The following VWA5A variants were observed in gnomAD, a reference collection of about 807,000 sequenced individuals.
The protein encoded by VWA5A is von Willebrand factor A domain containing 5A.
A neutral mutation model predicts 84.6 loss-of-function variants in VWA5A; 77 were observed. The ratio of observed to expected loss-of-function variants is 0.91; its 90% CI spans 0.76 to 1.10. The LOEUF is 1.10. Ranked by LOEUF, VWA5A falls within the 50% of genes least tolerant of loss-of-function variation. The pLI, the probability that VWA5A is intolerant of heterozygous loss-of-function variation, is 0.00. For missense variants in VWA5A, 973 were observed against 963.0 expected (o/e 1.01, Z -0.14); for synonymous variants, 334 against 350.1 (o/e 0.95, Z 0.51).
At chr11:124,123,284 C>T (rs917649341) in intron 8 of VWA5A, 82 bp from the exon 9 acceptor site, 2 of 1,523,958 alleles carry the variant, frequency 1.3e-6, no homozygotes, top group East Asian at 4.5e-5. Context: ...GGATGGCCCA[C>T]ATCCTCAAGA....
intron 11 of VWA5A, among the ~76,000 whole-genome samples, chr11:124,125,562 C>T (rs1374543019): frequency 4.6e-5 from 7 of 152,130 alleles, no homozygotes; most frequent in African/African-American, 7.2e-5. Flanking sequence ...GGATTACAGG[C>T]GTGAGCCACC....
chr11:124,137,130 G>C lies in VWA5A; in HGVS notation c.1741G>C (p.Val581Leu). The change falls in exon 15 of 19, where the codon GTC becomes CTC. Residue 581 changes from valine to leucine, a missense_variant. Physicochemically the swap from Val to Leu is conservative, Grantham distance 32 (BLOSUM62 1). Transcript: ENST00000456829. ...DALNLSLESG[V>L]ISSFTAFIAI... Reference sequence around the variant, plus strand: ...ATTGAACCTTAGCCTTGAGTCTGGTGTCATAAGCTCCTTCACAGCTTTCAT... The same window carrying C: ...ATTGAACCTTAGCCTTGAGTCTGGTCTCATAAGCTCCTTCACAGCTTTCAT... 1 of 1,613,930 alleles carries C rather than the reference G, an allele frequency of 6.2e-7. No homozygotes were observed. Among genetic ancestry groups the C allele is most frequent in the Non-Finnish European group, 8.5e-7 (1 of 1,180,018 alleles).
chr11:124,135,826 G>T (rs560452231), intron 12 of VWA5A, among the ~76,000 whole-genome samples: 1 of 151,806 alleles, frequency 6.6e-6, no homozygotes, highest in Non-Finnish European at 1.5e-5. Context: ...CACCGCGCCC[G>T]GCCTCTGGTG....
rs746630417 is a variant in VWA5A at position 124,118,601 on chromosome 11, C to G, written c.538C>G (p.Leu180Val). The change falls in exon 6 of 19, where the codon CTC becomes GTC. Residue 180 changes from leucine (L) to valine (V), a missense_variant. Leu to Val is a conservative substitution (Grantham distance 32, BLOSUM62 1). Transcript: ENST00000456829. ...CCCTGTGGAGGACCTGCCCTACACACTCAGCATGGTCGCCACCATAGATTC... is the reference window on the plus strand; with the variant it reads ...CCCTGTGGAGGACCTGCCCTACACAGTCAGCATGGTCGCCACCATAGATTC... ...IVPVEDLPYT[L>V]SMVATIDSQH... 1.2e-6 allele frequency: 2 copies of G among 1,614,060 alleles called. No homozygotes were observed. Among genetic ancestry groups the G allele is most frequent in the Non-Finnish European group, 1.7e-6 (2 of 1,180,034 alleles).
Position 124,118,613 on chromosome 11 carries a change from G to A in VWA5A, c.550G>A (p.Ala184Thr), listed in dbSNP as rs148882605. The part of the protein sequence containing the change: ...EDLPYTLSMV[A>T]TIDSQHGIEK... ...CCTGCCCTACACACTCAGCATGGTC[G>A]CCACCATAGATTCCCAGCATGGCAT... The change falls in exon 6 of 19, where the codon GCC becomes ACC. Residue 184 changes from alanine to threonine, a missense_variant. By Grantham distance (58) the Ala-to-Thr change is moderately conservative. Coordinates refer to ENST00000456829, the MANE Select transcript of VWA5A (RefSeq NM_001130142.2). 693 of 1,614,130 alleles carry A rather than the reference G, an allele frequency of 4.3e-4. No homozygotes were observed. The highest frequency in any genetic ancestry group is 8.5e-4 in the Admixed American group (51 of 60,014).
Position 124,136,605 on chromosome 11 carries a change from A to G in VWA5A, c.1556A>G (p.Lys519Arg), listed in dbSNP as rs775484694. ...GAGACAACAGGAGAAGTATGCCTCA[A>G]ATATACACTCCAGGGCAAGACTTTT... ...AAETTGEVCLKYTLQGKTFED... is the reference protein window; with the variant it reads ...AAETTGEVCLRYTLQGKTFED... The change falls in exon 14 of 19, where the codon AAA becomes AGA. Residue 519 changes from lysine to arginine, a missense_variant. Physicochemically the swap from Lys to Arg is conservative, Grantham distance 26 (BLOSUM62 2). Coordinates refer to ENST00000456829, the MANE Select transcript of VWA5A (RefSeq NM_001130142.2). 7 of 1,614,012 alleles carry G rather than the reference A, an allele frequency of 4.3e-6. No individual in the cohort carries two copies. Among genetic ancestry groups the G allele is most frequent in the South Asian group, 3.3e-5 (3 of 91,082 alleles).
At chr11:124,125,786 T>C (rs1044513009) in intron 11 of VWA5A, among the ~76,000 whole-genome samples, 3 of 152,246 alleles carry the variant, frequency 2.0e-5, no homozygotes, top group Non-Finnish European at 4.4e-5. Context: ...GTTGACTGTA[T>C]GTTCTAGAAA....
chr11:124,131,267 T>A (rs986762451), intron 11 of VWA5A, among the ~76,000 whole-genome samples: 1 of 152,118 alleles, frequency 6.6e-6, no homozygotes, highest in East Asian at 1.9e-4. Context: ...ACAGATAGCA[T>A]GGAGATGCTG....
At position 124,145,860 on chromosome 11, in the gene VWA5A, C is replaced by A. The variant is rs755684523; in HGVS notation, c.2282-6C>A. Reference sequence around the variant, plus strand: ...CATCCCTGCTTCTTGTTTTTCCTCACCACAGGCTCCACCATGCCTTCGGTT... The same window carrying A: ...CATCCCTGCTTCTTGTTTTTCCTCAACACAGGCTCCACCATGCCTTCGGTT... On this transcript the variant is annotated splice_polypyrimidine_tract_variant and splice_region_variant and intron_variant, in intron 18 of 18. Coordinates refer to ENST00000456829, the MANE Select transcript of VWA5A (RefSeq NM_001130142.2). 6.4e-7 allele frequency: 1 copy of A among 1,573,326 alleles called. No individual in the cohort carries two copies. The highest frequency in any genetic ancestry group is 8.7e-7 in the Non-Finnish European group (1 of 1,155,792).
chr11:124,129,948 T>C (rs1000667591), intron 11 of VWA5A, among the ~76,000 whole-genome samples: 1 of 152,212 alleles, frequency 6.6e-6, no homozygotes, highest in African/African-American at 2.4e-5. Context: ...TTCATTGATT[T>C]TTTGAAGGGT....
At chr11:124,144,474 C>T (rs1008241259) in intron 17 of VWA5A, among the ~76,000 whole-genome samples, 1 of 152,082 alleles carries the variant, frequency 6.6e-6, no homozygotes, top group African/African-American at 2.4e-5. Context: ...GGAGAACAAG[C>T]GTGGGGATGC....
intron 11 of VWA5A, among the ~76,000 whole-genome samples, chr11:124,129,420 G>A (rs1386590522): frequency 2.0e-5 from 3 of 152,146 alleles, no homozygotes; most frequent in African/African-American, 7.2e-5. Flanking sequence ...TGTTCATCAC[G>A]GATATTGGCC....
In VWA5A at chr11:124,124,345, T is replaced by C. The variant is rs371003742; in HGVS notation, c.1244+29T>C. 39 of 1,611,166 alleles carry C rather than the reference T, an allele frequency of 2.4e-5. No individual in the cohort carries two copies. The African/African-American group carries it at 3.3e-4, about 14-fold the overall frequency. Reference sequence around the variant, plus strand: ...GGAAGAAAATGTGATTTCCGGGTGATTGGTGCTGAGTAGTGACACACAGAC... The same window carrying C: ...GGAAGAAAATGTGATTTCCGGGTGACTGGTGCTGAGTAGTGACACACAGAC... On this transcript the variant is annotated intron_variant, in intron 11 of 18. Coordinates refer to ENST00000456829, the MANE Select transcript of VWA5A (RefSeq NM_001130142.2).
At chr11:124,123,919 A>G in intron 10 of VWA5A, 115 bp downstream of exon 10, 2 of 1,365,270 alleles carry the variant, frequency 1.5e-6, no homozygotes, top group South Asian at 1.6e-5. Flanking sequence ...ACAGTCTTCT[A>G]TCATATAGTA....
chr11:124,136,795 T>C (rs2137657801), intron 14 of VWA5A, 121 bp downstream of exon 14: 1 of 804,818 alleles, frequency 1.2e-6, no homozygotes, highest in Admixed American at 2.5e-5. Context: ...CTTCCTTCTT[T>C]CCTCTGCCAT....
chr11:124,141,869 C>A, intron 16 of VWA5A, 128 bp downstream of exon 16: 2 of 1,310,772 alleles, frequency 1.5e-6, no homozygotes, highest in Non-Finnish European at 2.1e-6. Context: ...ACCCCCCATG[C>A]ATTGGAAAAG....
intron 17 of VWA5A, among the ~76,000 whole-genome samples, chr11:124,144,192 A>G (rs1219134940): frequency 1.3e-5 from 2 of 152,206 alleles, no homozygotes; most frequent in East Asian, 3.8e-4. Flanking sequence ...TTAAAAAAAA[A>G]GAAAAACAAC....
At chr11:124,131,380 T>C (rs1282261459) in intron 11 of VWA5A, among the ~76,000 whole-genome samples, 2 of 152,038 alleles carry the variant, frequency 1.3e-5, no homozygotes, top group African/African-American at 4.8e-5. Context: ...AATTGTCTAT[T>C]TTTGGAATTT....
chr11:124,116,952 C>A (rs1236247998), intron 2 of VWA5A, among the ~76,000 whole-genome samples: 1 of 152,124 alleles, frequency 6.6e-6, no homozygotes, highest in Admixed American at 6.5e-5. Flanking sequence ...TGCAGCGCGT[C>A]TCTGAATGCC....
Sources: gnomAD v4.1 joint callset for allele counts (sites outside exome capture counted in the v4.1 genomes callset) on GRCh38, gnomAD v4.1.1 for gene constraint, MANE v1.5 for transcripts, NCBI Gene and HGNC (gene_info 2026-07-23, HGNC 2026-07-21) for gene names.